The following NDFIP1 variants were observed in gnomAD, a reference collection of about 807,000 sequenced individuals.
NDFIP1 encodes the protein Nedd4 family interacting protein 1.
In NDFIP1, 7 loss-of-function variants were observed where a neutral mutation model predicts 28.8. The ratio of observed to expected loss-of-function variants is 0.24; its 90% CI spans 0.14 to 0.46. The LOEUF (loss-of-function observed/expected upper bound fraction) is 0.46, where lower values mean the gene tolerates loss of function less well. NDFIP1 is among the 20% of genes least tolerant of loss of function. The pLI, the probability that NDFIP1 is intolerant of heterozygous loss-of-function variation, is 0.99. For synonymous variants in NDFIP1, 92 were observed against 101.0 expected (o/e 0.91, Z 0.53); for missense variants, 194 against 269.1 (o/e 0.72, Z 1.95).
At chr5:142,109,463 A>G (rs1422455866) in intron 1 of NDFIP1, among the ~76,000 whole-genome samples, 2 of 152,230 alleles carry the variant, frequency 1.3e-5, no homozygotes, top group Admixed American at 6.5e-5. Context: ...GCTGCTGCCG[A>G]TAGCTCCCCA....
intron 5 of NDFIP1, 94 bp downstream of exon 5, chr5:142,137,952 A>G (rs982639633): frequency 1.8e-5 from 26 of 1,447,368 alleles, no homozygotes; most frequent in Middle Eastern, 4.6e-4. Context: ...TTTAAAAGTT[A>G]TTTCAGTGTG....
chr5:142,109,762 G>T (rs1327848057), intron 1 of NDFIP1, among the ~76,000 whole-genome samples: 1 of 152,170 alleles, frequency 6.6e-6, no homozygotes, highest in Admixed American at 6.5e-5. Flanking sequence ...TCATTTTCTC[G>T]GGTTTGATTT....
intron 7 of NDFIP1, among the ~76,000 whole-genome samples, chr5:142,150,173 T>G (rs1338522151): frequency 2.7e-5 from 2 of 75,006 alleles, no homozygotes; most frequent in Non-Finnish European, 5.1e-5. Context: ...AGAGCGGGAC[T>G]CCGTCTCAAA....
chr5:142,140,186 C>T (rs1757313257), intron 5 of NDFIP1, among the ~76,000 whole-genome samples: 2 of 152,032 alleles, frequency 1.3e-5, no homozygotes, highest in African/African-American at 2.4e-5. Flanking sequence ...CGGTAGCTCA[C>T]GCCTGTAATC....
intron 1 of NDFIP1, among the ~76,000 whole-genome samples, chr5:142,129,911 C>CAAA (rs749420090): frequency 2.1e-4 from 13 of 62,668 alleles, no homozygotes; most frequent in African/African-American, 4.6e-4. Context: ...AACTACATCT[C>CAAA]AAAAAAAAAA....
intron 7 of NDFIP1, among the ~76,000 whole-genome samples, chr5:142,150,412 G>C (rs2244989): frequency 0.29 from 43,611 of 151,362 alleles, 7,201 homozygotes; most frequent in Non-Finnish European, 0.37. Flanking sequence ...CCTTGTATCA[G>C]TTTCAGTGGT....
rs189446398 is a variant in NDFIP1 at position 142,112,494 on chromosome 5, G to A, written c.63+3457G>A. Among the ~76,000 whole-genome samples the A allele has an allele frequency of 2.2e-3, 333 of 148,322 alleles. 2 individuals carry two copies. The highest frequency in any genetic ancestry group is 8.0e-3 in the African/African-American group (323 of 40,160). ...GCAGAGTTTGCAGTAGGCTGGGATCGCGCCACTGTACTCCAGGTTGGGTGA... is the reference window on the plus strand; with the variant it reads ...GCAGAGTTTGCAGTAGGCTGGGATCACGCCACTGTACTCCAGGTTGGGTGA... On this transcript the variant is annotated intron_variant, in intron 1 of 7. Transcript: ENST00000253814.
rs1421798941 is a variant in NDFIP1, at chr5:142,151,115, A to T, written c.*3-616A>T. Among the ~76,000 whole-genome samples the T allele has an allele frequency of 1.4e-4, 22 of 152,224 alleles. 1 individual carries two copies. Among genetic ancestry groups the T allele is most frequent in the Admixed American group, 1.3e-3 (20 of 15,282 alleles). Reference sequence around the variant, plus strand: ...TTTCAGTCAGATATATTCCTTTCTTAAAATTTAGTTTGAAAGTACATGTAT... The same window carrying T: ...TTTCAGTCAGATATATTCCTTTCTTTAAATTTAGTTTGAAAGTACATGTAT... On this transcript the variant is annotated intron_variant, in intron 7 of 7. Transcript: ENST00000253814.
chr5:142,117,465 T>A (rs1757081034), intron 1 of NDFIP1, among the ~76,000 whole-genome samples: 1 of 151,992 alleles, frequency 6.6e-6, no homozygotes, highest in Non-Finnish European at 1.5e-5. Context: ...ATGGTCTCGA[T>A]CTCTTGACCT....
chr5:142,135,884 G>T, intron 4 of NDFIP1, 67 bp downstream of exon 4: 1 of 1,119,720 alleles, frequency 8.9e-7, no homozygotes, highest in Non-Finnish European at 1.3e-6. Context: ...GGGTGAATCT[G>T]ACTGAATTAA....
Position 142,144,576 on chromosome 5 carries a change from C to G in NDFIP1, c.568C>G (p.Leu190Val). The G allele has an allele frequency of 6.9e-6, 11 of 1,601,158 alleles. No homozygotes were observed. Among genetic ancestry groups the G allele is most frequent in the Non-Finnish European group, 8.5e-6 (10 of 1,174,968 alleles). ...LWWVFLVLGF[L>V]LFLRGFINYA... is the part of the protein sequence containing the mutation. ...ACTTTTCTTTTTTAAATTAGGCTTT[C>G]TCCTGTTTCTCAGAGGATTTATCAA... is the stretch of plus-strand genomic sequence containing the variant. Residue 190 changes from leucine (L) to valine (V), a missense_variant, in exon 7 of 8, where the codon CTC becomes GTC. Transcript: ENST00000253814.
chr5:142,131,108 C>T (rs1426947612), intron 1 of NDFIP1, among the ~76,000 whole-genome samples: 1 of 151,844 alleles, frequency 6.6e-6, no homozygotes, highest in Non-Finnish European at 1.5e-5. Flanking sequence ...GTGCATGCCA[C>T]CACTCCCGGG....
At chr5:142,125,531 T>G (rs1312193156) in intron 1 of NDFIP1, among the ~76,000 whole-genome samples, 2 of 152,062 alleles carry the variant, frequency 1.3e-5, no homozygotes, top group African/African-American at 2.4e-5. Context: ...GGCTAATTTT[T>G]AAATTTTTAG....
At chr5:142,121,714 T>C (rs139326723) in intron 1 of NDFIP1, among the ~76,000 whole-genome samples, 78 of 152,370 alleles carry the variant, frequency 5.1e-4, no homozygotes, top group African/African-American at 1.3e-3. Context: ...TCTACAGTTA[T>C]AGCAGTCATC....
intron 7 of NDFIP1, among the ~76,000 whole-genome samples, chr5:142,146,668 A>G (rs1196212394): frequency 1.3e-5 from 2 of 152,160 alleles, no homozygotes; most frequent in African/African-American, 4.8e-5. Context: ...CTGAATTTCT[A>G]AATGGACTGA....
At chr5:142,112,763 G>A (rs1324588779) in intron 1 of NDFIP1, among the ~76,000 whole-genome samples, 1 of 150,054 alleles carries the variant, frequency 6.7e-6, no homozygotes, top group Admixed American at 6.7e-5. Context: ...TCCAGGCTGG[G>A]CGACGAAGTG....
intron 1 of NDFIP1, among the ~76,000 whole-genome samples, chr5:142,113,763 T>G (rs1024487443): frequency 1.3e-5 from 2 of 152,200 alleles, no homozygotes; most frequent in Admixed American, 6.5e-5. Flanking sequence ...TTCTATGTAT[T>G]TGACTACCGT....
At chr5:142,130,696 C>A (rs1332023905) in intron 1 of NDFIP1, among the ~76,000 whole-genome samples, 36 of 145,640 alleles carry the variant, frequency 2.5e-4, no homozygotes, top group East Asian at 2.0e-4. Context: ...CCTGTCTCTC[C>A]AAAAAAAAAA....
chr5:142,131,758 T>C lies in NDFIP1; in HGVS notation c.64-50T>C, dbSNP rs999684706. The C allele has an allele frequency of 4.2e-6, 6 of 1,425,092 alleles. No individual in the cohort carries two copies. The East Asian group carries it at 7.5e-5, about 18-fold the overall frequency. 88.3% of individuals were successfully genotyped at this position (1,425,092 alleles called of 1,614,324 possible). A position where few individuals can be genotyped will look rare whatever the true frequency, so the allele number is the denominator to read the frequency against. The stretch of plus-strand genomic sequence containing the variant: ...ATTTATTTCAGTTTTTGGGTTCTTA[T>C]CTTTCTAATTGGCTTTATGCTTACA... On this transcript the variant is annotated intron_variant, in intron 1 of 7. Transcript: ENST00000253814.
Sources: allele counts gnomAD v4.1 joint callset (sites outside exome capture counted in the v4.1 genomes callset), GRCh38; gene constraint gnomAD v4.1.1; transcripts MANE v1.5; gene names NCBI Gene and HGNC (gene_info 2026-07-23, HGNC 2026-07-21).